The following KIAA0753 variants were observed in gnomAD, a reference collection of about 807,000 sequenced individuals.
The protein encoded by KIAA0753 is KIAA0753.
KIAA0753 carries 114 observed loss-of-function variants against 116.9 expected under a neutral mutation model. That is an observed-to-expected ratio of 0.98 (90% CI 0.84 to 1.14). The LOEUF (loss-of-function observed/expected upper bound fraction) is 1.14, where lower values mean the gene tolerates loss of function less well. KIAA0753 is among the 50% of genes most tolerant of loss of function. The pLI is 0.00. For missense variants in KIAA0753, 1,156 were observed against 1,172.4 expected, an observed-to-expected ratio of 0.99 and a Z score of 0.20; for synonymous variants, 405 against 413.1, an observed-to-expected ratio of 0.98 and a Z score of 0.24.
At chr17:6,583,851 G>A (rs1212799170) in intron 18 of KIAA0753, among the ~76,000 whole-genome samples, 1 of 152,118 alleles carries the variant, frequency 6.6e-6, no homozygotes, top group African/African-American at 2.4e-5. Flanking sequence ...TTGTCCCTCT[G>A]TTGCCTGGTT....
intron 18 of KIAA0753, among the ~76,000 whole-genome samples, chr17:6,582,443 T>C (rs879305113): frequency 8.5e-5 from 13 of 152,202 alleles, no homozygotes; most frequent in East Asian, 1.9e-4. Flanking sequence ...AACATTAACA[T>C]GGTTTCAAAA....
chr17:6,606,347 A>C (rs1157343409), intron 12 of KIAA0753, among the ~76,000 whole-genome samples: 3 of 152,228 alleles, frequency 2.0e-5, no homozygotes, highest in Non-Finnish European at 4.4e-5. Context: ...GAGTTGGAAA[A>C]ATGAGGTAAT....
chr17:6,620,517 G>A (rs917466144), intron 7 of KIAA0753, among the ~76,000 whole-genome samples: 1 of 151,880 alleles, frequency 6.6e-6, no homozygotes, highest in African/African-American at 2.4e-5. Context: ...TTTTTTTAAA[G>A]TAGGGTTCTA....
chr17:6,589,931 T>G lies in KIAA0753; in HGVS notation c.2634A>C (p.Glu878Asp), dbSNP rs780357370. The G allele has an allele frequency of 1.2e-5, 19 of 1,612,450 alleles. No homozygotes were observed. In the African/African-American group the frequency reaches 2.0e-4, roughly 17 times the overall value. ...KREAPLLSLA[E>D]DSQQKEGRAP... Reference sequence around the variant, plus strand: ...CTCGGCCTTCTTTCTGTTGAGAATCTTCGGCTAGGGAGAGAAGAGGGGCCT... The same window carrying G: ...CTCGGCCTTCTTTCTGTTGAGAATCGTCGGCTAGGGAGAGAAGAGGGGCCT... The change falls in exon 18 of 19, where the codon GAA becomes GAC. Residue 878 changes from glutamate (E) to aspartate (D), a missense_variant. Coordinates refer to ENST00000361413, the MANE Select transcript of KIAA0753 (RefSeq NM_014804.3).
intron 16 of KIAA0753, 83 bp downstream of exon 16, chr17:6,594,889 T>A: frequency 9.9e-7 from 1 of 1,010,366 alleles, no homozygotes; most frequent in East Asian, 2.4e-5. Context: ...TAGCAGTGTT[T>A]ACTATACAAT....
chr17:6,611,952 C>T lies in KIAA0753; in HGVS notation c.1512G>A (p.Arg504=). 6.2e-7 allele frequency: 1 copy of T among 1,614,086 alleles called. No homozygotes were observed. Among genetic ancestry groups the T allele is most frequent in the Non-Finnish European group, 8.5e-7 (1 of 1,180,018 alleles). ...KKPVTENVPF[R]KKDTLAPARQ... ...TTGCTGGCGCCAGAGTATCTTTCTT[C>T]CTAAACGGCACATTCTCAGTCACAG... Residue 504 remains arginine, a synonymous_variant, in exon 8 of 19, where the codon AGG becomes AGA. Transcript: ENST00000361413.
Position 6,579,631 on chromosome 17 carries a change from C to T in KIAA0753, c.*116G>A, listed in dbSNP as rs1276678882. The T allele has an allele frequency of 5.5e-6, 4 of 723,434 alleles. No homozygotes were observed. The highest frequency in any genetic ancestry group is 9.8e-6 in the Non-Finnish European group (4 of 409,118). 44.8% of individuals were successfully genotyped at this position (723,434 alleles called of 1,614,324 possible). On this transcript the variant is annotated 3_prime_UTR_variant, in exon 19 of 19. Coordinates refer to ENST00000361413, the MANE Select transcript of KIAA0753 (RefSeq NM_014804.3). ...CCGGCACTGCCTTCCTTTCAGTGGG[C>T]AGCACCTTCTGGGCCTGGATGGACA...
At position 6,600,364 on chromosome 17, in the gene KIAA0753, G is replaced by C; in HGVS notation, c.2088+16C>G. ...CTTCCAAAAAGCAAGCAAATGAAACGAACTAGATAGATTACCTGGGCCTTG... is the reference window on the plus strand; with the variant it reads ...CTTCCAAAAAGCAAGCAAATGAAACCAACTAGATAGATTACCTGGGCCTTG... On this transcript the variant is annotated intron_variant, in intron 13 of 18. Transcript: ENST00000361413. 1.2e-6 allele frequency: 2 copies of C among 1,605,430 alleles called. No homozygotes were observed. The highest frequency in any genetic ancestry group is 1.7e-6 in the Non-Finnish European group (2 of 1,172,716).
chr17:6,614,519 A>G (rs1281779687), intron 7 of KIAA0753, among the ~76,000 whole-genome samples: 1 of 151,840 alleles, frequency 6.6e-6, no homozygotes, highest in Non-Finnish European at 1.5e-5. Context: ...GGGGGGGGTA[A>G]GCAAACTGCA....
rs7224704 is a variant in KIAA0753, at chr17:6,621,971, C to T, written c.1104+911G>A. On this transcript the variant is annotated intron_variant, in intron 6 of 18. Coordinates refer to ENST00000361413, the MANE Select transcript of KIAA0753 (RefSeq NM_014804.3). ...CAAACACATTTGCTTGATAATGAAA[C>T]TGTGAAGGCAGAAGTGGCCTTAAAG... 9.7e-3 allele frequency among the ~76,000 whole-genome samples: 1,469 copies of T among 152,134 alleles called. 29 individuals carry two copies. The highest frequency in any genetic ancestry group is 0.033 in the African/African-American group (1,382 of 41,494).
Position 6,589,837 on chromosome 17 carries a change from G to A in KIAA0753, c.2728C>T (p.Leu910Phe), listed in dbSNP as rs767387255. ...ACAGCCTCATGAGATATGATCCGAA[G>A]GTACTGCTCAAAACGACTACAGTAG... Reference protein sequence around the residue: ...GDYCSRFEQYLRIISHEAVGS... With the variant: ...GDYCSRFEQYFRIISHEAVGS... The change falls in exon 18 of 19, where the codon CTT (leucine) becomes TTT (phenylalanine). Residue 910 changes from leucine (L) to phenylalanine (F), a missense_variant. Coordinates refer to ENST00000361413, the MANE Select transcript of KIAA0753 (RefSeq NM_014804.3). 12 of 1,614,046 alleles carry A rather than the reference G, an allele frequency of 7.4e-6. No homozygotes were observed. The South Asian group carries it at 1.3e-4, about 18-fold the overall frequency.
intron 2 of KIAA0753, 44 bp from the exon 3 acceptor site, chr17:6,628,785 A>G: frequency 2.6e-6 from 4 of 1,532,352 alleles, no homozygotes; most frequent in Non-Finnish European, 3.5e-6. Context: ...GAAAAATTTC[A>G]TATTGCACAG....
intron 18 of KIAA0753, among the ~76,000 whole-genome samples, chr17:6,581,706 T>C (rs991240319): frequency 7.2e-5 from 11 of 152,262 alleles, no homozygotes; most frequent in African/African-American, 2.2e-4. Context: ...TTTGGCCTTA[T>C]AGATTTTTAT....
intron 18 of KIAA0753, among the ~76,000 whole-genome samples, chr17:6,584,815 A>G (rs557628391): frequency 6.6e-6 from 1 of 152,170 alleles, no homozygotes; most frequent in Non-Finnish European, 1.5e-5. Flanking sequence ...CTAAATTTTT[A>G]AACACTTTGC....
chr17:6,585,454 A>G (rs908923437), intron 18 of KIAA0753, among the ~76,000 whole-genome samples: 1 of 152,244 alleles, frequency 6.6e-6, no homozygotes, highest in Non-Finnish European at 1.5e-5. Flanking sequence ...CATTTCTCTG[A>G]TAATTTCCCA....
chr17:6,596,741 A>G (rs7219659), intron 14 of KIAA0753, among the ~76,000 whole-genome samples: 46,514 of 152,118 alleles, frequency 0.31, 8,000 homozygotes, highest in Admixed American at 0.39. Flanking sequence ...GCTTCTGTGA[A>G]AACGTCTGCT....
chr17:6,612,094 A>G lies in KIAA0753; in HGVS notation c.1370T>C (p.Leu457Pro), dbSNP rs377358063. The G allele has an allele frequency of 2.2e-5, 35 of 1,614,160 alleles. No individual in the cohort carries two copies. In the South Asian group the frequency reaches 3.3e-4, roughly 15 times the overall value. ...AACTATATCCGCATCTAATACATCA[A>G]GCTCACTCTGCAACCTCTGGGTCTC... Reference protein sequence around the residue: ...LPETQRLQSELDVLDADIVLE... With the variant: ...LPETQRLQSEPDVLDADIVLE... Residue 457 changes from leucine to proline, a missense_variant, in exon 8 of 19, where the codon CTT becomes CCT. By Grantham distance (98) the Leu-to-Pro change is moderately conservative. Transcript: ENST00000361413.
rs1972509069 is a variant in KIAA0753 at position 6,639,206 on chromosome 17, C to G, written c.-69+1431G>C. 3 of 152,990 alleles carry G rather than the reference C, an allele frequency of 2.0e-5. No individual in the cohort carries two copies. Among genetic ancestry groups the G allele is most frequent in the Admixed American group, 6.5e-5 (1 of 15,284 alleles). 9.5% of individuals were successfully genotyped at this position (152,990 alleles called of 1,614,324 possible). On this transcript the variant is annotated intron_variant, in intron 1 of 18. Transcript: ENST00000361413. The surrounding 1 kb of genome is among the most constrained non-coding windows in gnomAD (Gnocchi z 4.3). ...TCCACAGCATCGGACACCCCCACAG[C>G]CTGTCCCCTCCCCCATACGCCAGGG...
chr17:6,612,492 A>G (rs546992048), intron 7 of KIAA0753, among the ~76,000 whole-genome samples: 1 of 152,236 alleles, frequency 6.6e-6, no homozygotes, highest in African/African-American at 2.4e-5. Context: ...GACTGGAATA[A>G]CAGTGTCTCC....
Sources: allele counts gnomAD v4.1 joint callset (sites outside exome capture counted in the v4.1 genomes callset), GRCh38; gene constraint gnomAD v4.1.1; non-coding constraint Gnocchi (gnomAD v3.1); transcripts MANE v1.5; gene names NCBI Gene and HGNC (gene_info 2026-07-23, HGNC 2026-07-21).